The following RARB variants were observed in gnomAD, a reference collection of about 807,000 sequenced individuals.
RARB encodes HBV-activated protein.
A neutral mutation model predicts 51.9 loss-of-function variants in RARB; 17 were observed. That is an observed-to-expected ratio of 0.33 (90% CI 0.22 to 0.49). The LOEUF (loss-of-function observed/expected upper bound fraction) is 0.49. Ranked by LOEUF, RARB falls within the 20% of genes least tolerant of loss-of-function variation. The pLI, the probability that RARB is intolerant of heterozygous loss-of-function variation, is 0.99. For missense variants in RARB, 369 were observed against 550.8 expected, an observed-to-expected ratio of 0.67 and a Z score of 3.30; for synonymous variants, 215 against 195.4, an observed-to-expected ratio of 1.10 and a Z score of -0.84.
At chr3:25,265,139 A>G (rs1703094037) in intron 5 of RARB, among the ~76,000 whole-genome samples, 1 of 152,172 alleles carries the variant, frequency 6.6e-6, no homozygotes, top group African/African-American at 2.4e-5. Context: ...TACCCAGTTT[A>G]TGGCATTTTG....
At chr3:25,091,907 G>C (rs1453807892) in intron 3 of RARB, among the ~76,000 whole-genome samples, 1 of 152,160 alleles carries the variant, frequency 6.6e-6, no homozygotes, top group African/African-American at 2.4e-5. Flanking sequence ...CAACTTGGTT[G>C]AATCGGAAGA....
At chr3:24,988,264 C>G (rs1188618472) in intron 2 of RARB, among the ~76,000 whole-genome samples, 1 of 152,056 alleles carries the variant, frequency 6.6e-6, no homozygotes, top group Non-Finnish European at 1.5e-5. Context: ...AAAGTAAAAG[C>G]CATGCTTTGA....
chr3:25,322,742 C>T (rs76908521), intron 5 of RARB, among the ~76,000 whole-genome samples: 16,739 of 151,958 alleles, frequency 0.11, 1,021 homozygotes, highest in South Asian at 0.19. Context: ...TTAAGATAAA[C>T]ACTACTTTAA....
intron 3 of RARB, among the ~76,000 whole-genome samples, chr3:25,118,096 C>T (rs569407305): frequency 6.6e-6 from 1 of 152,128 alleles, no homozygotes; most frequent in Non-Finnish European, 1.5e-5. Context: ...TGGAGAGGCT[C>T]CATCCTGCCT....
At chr3:25,058,289 A>G (rs1004044792) in intron 2 of RARB, among the ~76,000 whole-genome samples, 1 of 151,872 alleles carries the variant, frequency 6.6e-6, no homozygotes, top group Non-Finnish European at 1.5e-5. Flanking sequence ...TTGATATAGT[A>G]TGCTTTGCTT....
intron 5 of RARB, among the ~76,000 whole-genome samples, chr3:25,293,666 T>G (rs6801559): frequency 0.3 from 42,935 of 141,938 alleles, 8,237 homozygotes; most frequent in African/African-American, 0.56. Flanking sequence ...AATCCCATTT[T>G]CCTAAAACCA....
At chr3:25,407,084 C>T (rs1047731540) in intron 5 of RARB, among the ~76,000 whole-genome samples, 15 of 152,310 alleles carry the variant, frequency 9.8e-5, no homozygotes, top group African/African-American at 3.6e-4. Flanking sequence ...ACCTAATTGG[C>T]TGCATTCAGC....
intron 2 of RARB, among the ~76,000 whole-genome samples, chr3:25,038,295 TATGTA>T (rs1164306040): frequency 4.6e-5 from 7 of 152,118 alleles, no homozygotes; most frequent in African/African-American, 1.7e-4. Context: ...TAAATCATAA[TATGTA>T]ATGAATGCAA....
At chr3:25,244,209 T>C (rs1278750019) in intron 5 of RARB, among the ~76,000 whole-genome samples, 1 of 152,126 alleles carries the variant, frequency 6.6e-6, no homozygotes, top group Non-Finnish European at 1.5e-5. Context: ...TTTTCTTCTT[T>C]ATTAGTCTGG....
intron 5 of RARB, among the ~76,000 whole-genome samples, chr3:25,580,937 G>A (rs1428978664): frequency 6.6e-6 from 1 of 152,162 alleles, no homozygotes; most frequent in African/African-American, 2.4e-5. Context: ...TGAGGTCTGC[G>A]AGGCTCAAAT....
rs150451230 is a variant in RARB, at chr3:25,128,863, C to A, written c.-327-3298C>A. Among the ~76,000 whole-genome samples the A allele has an allele frequency of 3.0e-3, 454 of 152,040 alleles. 9 individuals carry two copies. In the East Asian group the frequency reaches 0.031, roughly 10 times the overall value. Reference sequence around the variant, plus strand: ...ATCAAACATTGTAATAATAAAAACTCAATGAGTGAATCAATAGAAAATTAG... The same window carrying A: ...ATCAAACATTGTAATAATAAAAACTAAATGAGTGAATCAATAGAAAATTAG... On this transcript the variant is annotated intron_variant, in intron 3 of 11. Coordinates refer to the RARB transcript ENST00000383772.
At chr3:24,830,867 A>C (rs543823238) in intron 1 of RARB, among the ~76,000 whole-genome samples, 1 of 152,298 alleles carries the variant, frequency 6.6e-6, no homozygotes, top group East Asian at 1.9e-4. Flanking sequence ...ACGCAGATTT[A>C]TAAATTAATT....
At chr3:25,353,329 G>T (rs1705633449) in intron 5 of RARB, among the ~76,000 whole-genome samples, 1 of 152,134 alleles carries the variant, frequency 6.6e-6, no homozygotes, top group African/African-American at 2.4e-5. Context: ...TATAGAGTCT[G>T]CCACGTAGTA....
At chr3:25,119,151 A>G (rs1699738164) in intron 3 of RARB, among the ~76,000 whole-genome samples, 1 of 152,178 alleles carries the variant, frequency 6.6e-6, no homozygotes, top group South Asian at 2.1e-4. Context: ...CAATATTATT[A>G]CAGTTAGATT....
intron 4 of RARB, among the ~76,000 whole-genome samples, chr3:25,141,823 T>C (rs1700111923): frequency 6.6e-6 from 1 of 152,204 alleles, no homozygotes; most frequent in Non-Finnish European, 1.5e-5. Context: ...TTATAATATA[T>C]GAAGTATCTC....
intron 2 of RARB, among the ~76,000 whole-genome samples, chr3:25,461,998 T>G (rs979170459): frequency 6.6e-6 from 1 of 152,240 alleles, no homozygotes; most frequent in Non-Finnish European, 1.5e-5. Context: ...TTTTATCTTA[T>G]TTTTGAATAT....
At chr3:24,927,656 A>G (rs1057056945) in intron 2 of RARB, among the ~76,000 whole-genome samples, 1 of 152,126 alleles carries the variant, frequency 6.6e-6, no homozygotes, top group Admixed American at 6.6e-5. Flanking sequence ...CCCTCAACAC[A>G]TACTAAGAAA....
chr3:25,115,054 T>G (rs1167087968), intron 3 of RARB, among the ~76,000 whole-genome samples: 2 of 152,182 alleles, frequency 1.3e-5, no homozygotes, highest in Non-Finnish European at 2.9e-5. Context: ...GAGAAAAATT[T>G]GTAATTCCTT....
intron 2 of RARB, among the ~76,000 whole-genome samples, chr3:24,900,281 C>T (rs191077098): frequency 1.2e-4 from 18 of 144,052 alleles, no homozygotes; most frequent in Non-Finnish European, 1.9e-4. Context: ...ATTGTTTTTC[C>T]TTTGTAAAAA....
Sources: allele counts gnomAD v4.1 joint callset (sites outside exome capture counted in the v4.1 genomes callset), GRCh38; gene constraint gnomAD v4.1.1; transcripts MANE v1.5; gene names NCBI Gene and HGNC (gene_info 2026-07-23, HGNC 2026-07-21).